Variants in KNOP1 observed in about 807,000 individuals in gnomAD.
KNOP1 encodes lysine rich nucleolar protein 1, also known as lysine-rich nucleolar protein 1.
Under a neutral mutation model 30.6 loss-of-function variants are expected in KNOP1, and 20 were observed. The observed-to-expected ratio is 0.65, with a 90% CI of 0.46 to 0.95. The LOEUF (loss-of-function observed/expected upper bound fraction) is 0.95. Ranked by LOEUF, KNOP1 falls within the 40% of genes least tolerant of loss-of-function variation. The pLI is 0.00. For synonymous variants in KNOP1, 204 were observed against 210.0 expected (o/e 0.97, Z 0.25); for missense variants, 540 against 562.0 (o/e 0.96, Z 0.40).
rs764645476 is a variant in KNOP1, at chr16:19,707,090, C to A, written c.1197G>T (p.Arg399Ser). 19 of 1,614,070 alleles carry A rather than the reference C, an allele frequency of 1.2e-5. No individual in the cohort carries two copies. The highest frequency in any genetic ancestry group is 1.2e-5 in the Non-Finnish European group (14 of 1,180,030). ...CCTTCTTGCCGAGGGCCATGTTGGG[C>A]CTTGCAATCGTGCTGGCGGGGCGGC... ...SFSRPASTIA[R>S]PNMALGKKAA... Residue 399 changes from arginine (R) to serine (S), a missense_variant, in exon 5 of 5, where the codon AGG becomes AGT. Arg to Ser is a moderately radical substitution (Grantham distance 110, BLOSUM62 -1). Coordinates refer to ENST00000219837, the MANE Select transcript of KNOP1 (RefSeq NM_001012991.3).
chr16:19,718,076 C>T lies in KNOP1; in HGVS notation c.-3+82G>A, dbSNP rs929648816. The T allele has an allele frequency of 4.1e-4, 585 of 1,424,838 alleles. 1 individual carries two copies. Among genetic ancestry groups the T allele is most frequent in the Non-Finnish European group, 5.0e-4 (552 of 1,094,168 alleles). 88.3% of individuals were successfully genotyped at this position (1,424,838 alleles called of 1,614,324 possible). ...CAGGGATGTGGGTGGACCGCATTTC[C>T]CCATCTTCCCCGCCGCGCACTTCCT... On this transcript the variant is annotated intron_variant, in intron 1 of 4. Transcript: ENST00000219837.
rs188950661 is a variant in KNOP1 at position 19,705,597 on chromosome 16, C to G, written c.*1313G>C. 9.0e-4 allele frequency: 244 copies of G among 271,828 alleles called. No homozygotes were observed. Among genetic ancestry groups the G allele is most frequent in the African/African-American group, 5.1e-3 (229 of 44,896 alleles). 16.8% of individuals were successfully genotyped at this position (271,828 alleles called of 1,614,324 possible). A position where few individuals can be genotyped will look rare whatever the true frequency, so the allele number is the denominator to read the frequency against. ...TCCTTGTGATAAAAAAGAATCTCAT[C>G]AGACACATCCCTGGGGCTGGGCACA... On this transcript the variant is annotated 3_prime_UTR_variant, in exon 5 of 5. Coordinates refer to ENST00000219837, the MANE Select transcript of KNOP1 (RefSeq NM_001012991.3).
At chr16:19,708,498 C>G (rs1166206471) in intron 4 of KNOP1, among the ~76,000 whole-genome samples, 1 of 152,132 alleles carries the variant, frequency 6.6e-6, no homozygotes, top group Non-Finnish European at 1.5e-5. Context: ...ATCCCCCTCA[C>G]AGGGCTTCAG....
At chr16:19,707,614 A>G (rs989579724) in intron 4 of KNOP1, among the ~76,000 whole-genome samples, 1 of 47,358 alleles carries the variant, frequency 2.1e-5, no homozygotes, top group African/African-American at 8.3e-5. Context: ...CACTCCCCCC[A>G]CCACCCTACA....
In KNOP1 at chr16:19,702,267, C is replaced by G. The variant is rs1006277658; in HGVS notation, c.*4643G>C. 2 of 152,232 alleles carry G rather than the reference C, an allele frequency of 1.3e-5. No homozygotes were observed. Among genetic ancestry groups the G allele is most frequent in the African/African-American group, 4.8e-5 (2 of 41,466 alleles). 9.4% of individuals were successfully genotyped at this position (152,232 alleles called of 1,614,324 possible). On this transcript the variant is annotated 3_prime_UTR_variant, in exon 5 of 5. Transcript: ENST00000219837. ...AAAGTGCTGGGATTACAGGCGTAAG[C>G]CACCGCACCTGGCCCACAGAAGTAT...
chr16:19,710,297 G>C (rs1976640274), intron 4 of KNOP1: 2 of 612,508 alleles, frequency 3.3e-6, no homozygotes, highest in Non-Finnish European at 2.9e-6. Flanking sequence ...CACCGGGCCA[G>C]CTCTCTAGGA....
chr16:19,707,854 T>C (rs113948465), intron 4 of KNOP1, among the ~76,000 whole-genome samples: 1,770 of 30,020 alleles, frequency 0.059, 403 homozygotes, highest in African/African-American at 0.44. Flanking sequence ...CGCTACACAG[T>C]GCACTCCCCC....
rs1976218944 is a variant in KNOP1 at position 19,702,930 on chromosome 16, G to A, written c.*3980C>T. On this transcript the variant is annotated 3_prime_UTR_variant, in exon 5 of 5. Transcript: ENST00000219837. ...GAATCGCTTGAACCCTGGAGGTGGA[G>A]GTTGCAGTGAGCTGAGATCACGCCT... 6.6e-6 allele frequency: 1 copy of A among 152,086 alleles called. No individual in the cohort carries two copies. Among genetic ancestry groups the A allele is most frequent in the African/African-American group, 2.4e-5 (1 of 41,354 alleles). The allele number at this position is 152,086 out of a possible 1,614,324, so 9.4% of individuals were successfully genotyped here.
chr16:19,716,082 A>C lies in KNOP1; in HGVS notation c.-2-1045T>G, dbSNP rs527734878. ...TCTCTCTTAGCAGCTTCAAAGAGCC[A>C]GGCCTGAGCTACAGGTCAAGTTCAT... On this transcript the variant is annotated intron_variant, in intron 1 of 4. Coordinates refer to ENST00000219837, the MANE Select transcript of KNOP1 (RefSeq NM_001012991.3). Among the ~76,000 whole-genome samples, 3 of 152,350 alleles carry C rather than the reference A, an allele frequency of 2.0e-5. No individual in the cohort carries two copies. The East Asian group carries it at 5.8e-4, about 29-fold the overall frequency.
In KNOP1 at chr16:19,710,579, C is replaced by T. The variant is rs898358743; in HGVS notation, c.995G>A (p.Arg332Gln). ...MDEAHIDQVR[R>Q]KALQEEIDRE... Reference sequence around the variant, plus strand: ...ATCGATCTCTTCTTGCAAGGCCTTTCGCCTCACCTGAGCAAGAAGGATGAC... The same window carrying T: ...ATCGATCTCTTCTTGCAAGGCCTTTTGCCTCACCTGAGCAAGAAGGATGAC... Residue 332 changes from arginine (R) to glutamine (Q), a missense_variant, in exon 4 of 5, where the codon CGA (arginine) becomes CAA (glutamine). By Grantham distance (43) the Arg-to-Gln change is conservative (BLOSUM62 1). Coordinates refer to ENST00000219837, the MANE Select transcript of KNOP1 (RefSeq NM_001012991.3). 1.1e-5 allele frequency: 17 copies of T among 1,611,976 alleles called. No homozygotes were observed. The Admixed American group carries it at 2.7e-4, about 25-fold the overall frequency.
chr16:19,711,137 T>C (rs1976696469), intron 3 of KNOP1, among the ~76,000 whole-genome samples: 1 of 152,230 alleles, frequency 6.6e-6, no homozygotes, highest in South Asian at 2.1e-4. Context: ...TAACAGGGAA[T>C]GGCCAGTCGG....
Position 19,714,963 on chromosome 16 carries a change from G to A in KNOP1, c.73C>T (p.Pro25Ser). The A allele has an allele frequency of 6.2e-7, 1 of 1,604,748 alleles. No homozygotes were observed. The highest frequency in any genetic ancestry group is 8.5e-7 in the Non-Finnish European group (1 of 1,177,508). ...TTTAAAACTGAGTATCGAGTCTCTG[G>A]TTCTTTGACCACTTTCTTCTTCTTT... ...KKKKKKVVKE[P>S]ETRYSVLNND... The change falls in exon 2 of 5, where the codon CCA becomes TCA. Residue 25 changes from proline (P) to serine (S), a missense_variant. Coordinates refer to ENST00000219837, the MANE Select transcript of KNOP1 (RefSeq NM_001012991.3).
chr16:19,705,547 C>T lies in KNOP1; in HGVS notation c.*1363G>A, dbSNP rs1268483206. ...TCTCCTCCTGGCATTCAATATCCAC[C>T]TACAGAAGTCACCTGGGATTCTCTT... On this transcript the variant is annotated 3_prime_UTR_variant, in exon 5 of 5. Coordinates refer to ENST00000219837, the MANE Select transcript of KNOP1 (RefSeq NM_001012991.3). The T allele has an allele frequency of 3.6e-6, 1 of 275,438 alleles. No individual in the cohort carries two copies. The highest frequency in any genetic ancestry group is 2.2e-5 in the African/African-American group (1 of 44,720). The allele number at this position is 275,438 out of a possible 1,614,324, so 17.1% of individuals were successfully genotyped here.
In KNOP1 at chr16:19,707,014, T is replaced by TCATGGCC; in HGVS notation, c.1266_1272dup (p.Ser425GlyfsTer25). 1 of 1,614,118 alleles carries TCATGGCC rather than the reference T, an allele frequency of 6.2e-7. No individual in the cohort carries two copies. The highest frequency in any genetic ancestry group is 1.1e-5 in the South Asian group (1 of 91,086). On this transcript the variant is annotated frameshift_variant, in exon 5 of 5. Coordinates refer to ENST00000219837, the MANE Select transcript of KNOP1 (RefSeq NM_001012991.3). LOFTEE classifies it high-confidence loss of function. ...CCGGCTCCCCGGCTGTACTTCCAGCTCATGGCCCGGTCGTAGTCCCGCTGC... is the reference window on the plus strand; with the variant it reads ...CCGGCTCCCCGGCTGTACTTCCAGCTCATGGCCCATGGCCCGGTCGTAGTCCCGCTGC...
In KNOP1 at chr16:19,707,016, A is replaced by ATGGCC; in HGVS notation, c.1266_1270dup (p.Met424ArgfsTer3). 5 of 1,614,112 alleles carry ATGGCC rather than the reference A, an allele frequency of 3.1e-6. No individual in the cohort carries two copies. The highest frequency in any genetic ancestry group is 4.2e-6 in the Non-Finnish European group (5 of 1,180,026). On this transcript the variant is annotated frameshift_variant, in exon 5 of 5. Transcript: ENST00000219837. LOFTEE classifies it high-confidence loss of function. ...GGCTCCCCGGCTGTACTTCCAGCTC[A>ATGGCC]TGGCCCGGTCGTAGTCCCGCTGCAG... is the stretch of plus-strand genomic sequence containing the variant.
chr16:19,716,696 T>G (rs1977115631), intron 1 of KNOP1, among the ~76,000 whole-genome samples: 1 of 152,230 alleles, frequency 6.6e-6, no homozygotes. Context: ...AGGTTTCCGT[T>G]ACCCCTGGTC....
In KNOP1 at chr16:19,702,612, G is replaced by A. The variant is rs564598512; in HGVS notation, c.*4298C>T. The A allele has an allele frequency of 1.3e-4, 20 of 152,202 alleles. No individual in the cohort carries two copies. The East Asian group carries it at 2.3e-3, about 18-fold the overall frequency. The allele number at this position is 152,202 out of a possible 1,614,324, so 9.4% of individuals were successfully genotyped here. Reference sequence around the variant, plus strand: ...CAGCCCTTTACTGAATCAATAAGCCGGTCTCTGAAAACACTGGTCTATGTG... The same window carrying A: ...CAGCCCTTTACTGAATCAATAAGCCAGTCTCTGAAAACACTGGTCTATGTG... On this transcript the variant is annotated 3_prime_UTR_variant, in exon 5 of 5. Transcript: ENST00000219837.
chr16:19,716,321 G>A (rs1288275797), intron 1 of KNOP1: 1 of 152,400 alleles, frequency 6.6e-6, no homozygotes, highest in Non-Finnish European at 1.5e-5. Flanking sequence ...AGTAGGTGTG[G>A]GAGGGAATAA....
In KNOP1 at chr16:19,706,591, C is replaced by A; in HGVS notation, c.*319G>T. On this transcript the variant is annotated 3_prime_UTR_variant, in exon 5 of 5. Transcript: ENST00000219837. ...AGAAAACAGGAGGTTTTAGCACTCA[C>A]TCGTTCTCCTGGCTCCCGAAATATG... is the stretch of plus-strand genomic sequence containing the variant. 3.0e-6 allele frequency: 1 copy of A among 330,284 alleles called. No homozygotes were observed. 20.5% of individuals were successfully genotyped at this position (330,284 alleles called of 1,614,324 possible). A position where few individuals can be genotyped will look rare whatever the true frequency, so the allele number is the denominator to read the frequency against.
Sources: gnomAD v4.1 joint callset for allele counts (sites outside exome capture counted in the v4.1 genomes callset) on GRCh38, gnomAD v4.1.1 for gene constraint, MANE v1.5 for transcripts, NCBI Gene and HGNC (gene_info 2026-07-23, HGNC 2026-07-21) for gene names.